Variants in ZNF263 observed in about 807,000 individuals in gnomAD.
The protein encoded by ZNF263 is zinc finger protein 263.
Under a neutral mutation model 63.1 loss-of-function variants are expected in ZNF263, and 49 were observed. The ratio of observed to expected loss-of-function variants is 0.78; its 90% CI spans 0.62 to 0.99. The LOEUF is 0.99. Among genes scored for constraint, ZNF263 ranks in the 50% least tolerant of loss-of-function variants. The pLI is 0.00. For synonymous variants in ZNF263, 352 were observed against 324.2 expected, an observed-to-expected ratio of 1.09 and a Z score of -0.92; for missense variants, 872 against 854.8, an observed-to-expected ratio of 1.02 and a Z score of -0.25.
rs528363608 is a variant in ZNF263, at chr16:3,285,702, C to T, written c.590C>T (p.Ser197Phe). 6.2e-7 allele frequency: 1 copy of T among 1,614,172 alleles called. No homozygotes were observed. Among genetic ancestry groups the T allele is most frequent in the East Asian group, 2.2e-5 (1 of 44,878 alleles). Residue 197 changes from serine (S) to phenylalanine (F), a missense_variant, in exon 3 of 6, where the codon TCT becomes TTT. Physicochemically the swap from Ser to Phe is radical, Grantham distance 155 (BLOSUM62 -2). Transcript: ENST00000219069. Reference protein sequence around the residue: ...KERALSAPWLSLFPPEGNMED... With the variant: ...KERALSAPWLFLFPPEGNMED... ...TCAGCATTATCTGCTCCCTGGCTTT[C>T]TCTTTTTCCTCCTGAAGGGAACATG... is the stretch of plus-strand genomic sequence containing the variant.
downstream of ZNF263, among the ~76,000 whole-genome samples, chr16:3,294,813 A>G (rs1446849966): frequency 3.3e-5 from 5 of 152,216 alleles, no homozygotes; most frequent in Non-Finnish European, 5.9e-5. Context: ...GGTGGCTCTC[A>G]AGCATCCCCA....
downstream of ZNF263, among the ~76,000 whole-genome samples, chr16:3,293,590 G>C (rs116533399): frequency 2.7e-3 from 412 of 152,322 alleles, 3 homozygotes; most frequent in African/African-American, 9.0e-3. Flanking sequence ...TAGCCTCTAA[G>C]TCCAAATGGG....
chr16:3,287,152 G>A (rs1959391881), intron 4 of ZNF263, among the ~76,000 whole-genome samples: 1 of 152,176 alleles, frequency 6.6e-6, no homozygotes, highest in South Asian at 2.1e-4. Flanking sequence ...CTGTACATTT[G>A]TTGACACTAA....
Sources: allele counts gnomAD v4.1 joint callset (sites outside exome capture counted in the v4.1 genomes callset), GRCh38; gene constraint gnomAD v4.1.1; transcripts MANE v1.5; gene names NCBI Gene and HGNC (gene_info 2026-07-23, HGNC 2026-07-21).